NPLOC4: variants seen among roughly 807,000 people sequenced by gnomAD.
NPLOC4 encodes the protein NPL4 homolog, ubiquitin recognition factor.
In NPLOC4, 18 loss-of-function variants were observed where a neutral mutation model predicts 80.6. That is an observed-to-expected ratio of 0.22 (90% CI 0.15 to 0.33). The LOEUF is 0.33. NPLOC4 is among the 10% of genes least tolerant of loss of function. The pLI is 1.00. For missense variants in NPLOC4, 540 were observed against 786.1 expected (o/e 0.69, Z 3.74); for synonymous variants, 313 against 301.5 (o/e 1.04, Z -0.39).
rs1488925633 is a variant in NPLOC4, at chr17:81,567,540, G to A, written c.1450-7C>T. On this transcript the variant is annotated splice_polypyrimidine_tract_variant and splice_region_variant and intron_variant, in intron 14 of 16. Transcript: ENST00000331134. The surrounding 1 kb of genome is among the most constrained non-coding windows in gnomAD (Gnocchi z 4.5). ...TGGCCAAGCTATGGAAGTCCTAGAG[G>A]AATGGGAATAAACATGAATGTTCCA... 1.9e-6 allele frequency: 3 copies of A among 1,543,746 alleles called. No homozygotes were observed. Among genetic ancestry groups the A allele is most frequent in the African/African-American group, 1.4e-5 (1 of 73,428 alleles).
chr17:81,607,155 G>A (rs186470754), intron 6 of NPLOC4, among the ~76,000 whole-genome samples: 12 of 152,236 alleles, frequency 7.9e-5, no homozygotes, highest in South Asian at 2.1e-4. Context: ...GCCACTGAGC[G>A]GGCATGAGGC....
At chr17:81,629,017 T>TA (rs1279127866) in intron 2 of NPLOC4, among the ~76,000 whole-genome samples, 1 of 151,582 alleles carries the variant, frequency 6.6e-6, no homozygotes, top group African/African-American at 2.4e-5. Context: ...CAGCTGGGAC[T>TA]ACAGGTGCCC....
intron 13 of NPLOC4, among the ~76,000 whole-genome samples, 165 bp from the exon 14 acceptor site, chr17:81,569,276 T>C (rs186130003): frequency 1.3e-3 from 199 of 152,314 alleles, no homozygotes; most frequent in African/African-American, 4.6e-3. Flanking sequence ...ATTAGTGTCA[T>C]CTCTAAACGA....
chr17:81,602,976 CAAAT>C lies in NPLOC4; in HGVS notation c.834+1568_834+1571del, dbSNP rs2035103223. ...ATATATATACACACATATATATACA[CAAAT>C]ACACACACACACACACACACACACA... On this transcript the variant is annotated intron_variant, in intron 8 of 16. Coordinates refer to ENST00000331134, the MANE Select transcript of NPLOC4 (RefSeq NM_017921.4). 5.5e-5 allele frequency among the ~76,000 whole-genome samples: 5 copies of C among 90,092 alleles called. No individual in the cohort carries two copies. In the South Asian group the frequency reaches 1.0e-3, roughly 19 times the overall value. 59.1% of individuals were successfully genotyped at this position (90,092 alleles called of 152,430 possible). A position where few individuals can be genotyped will look rare whatever the true frequency, so the allele number is the denominator to read the frequency against.
At position 81,581,375 on chromosome 17, in the gene NPLOC4, A is replaced by AAAAAAGTC. The variant is rs1555680405; in HGVS notation, c.1281+7568_1281+7569insGACTTTTT. Among the ~76,000 whole-genome samples, 332 of 72,850 alleles carry AAAAAAGTC rather than the reference A, an allele frequency of 4.6e-3. 83 individuals carry two copies. The highest frequency in any genetic ancestry group is 0.014 in the African/African-American group (294 of 21,108). The allele number at this position is 72,850 out of a possible 152,430, so 47.8% of individuals were successfully genotyped here. The stretch of plus-strand genomic sequence containing the variant: ...AAAAAAAAAAAAAAAAAAAAAAAAA[A>AAAAAAGTC]AGTTAATAAAATCACCATGTCACAA... On this transcript the variant is annotated intron_variant, in intron 12 of 16. Coordinates refer to ENST00000331134, the MANE Select transcript of NPLOC4 (RefSeq NM_017921.4).
rs1489165403 is a variant in NPLOC4, at chr17:81,559,138, AG to A, written c.*120del. On this transcript the variant is annotated 3_prime_UTR_variant, in exon 17 of 17. Transcript: ENST00000331134. ...GTGGGTCAGGGAGCCCAGGACAGCC[AG>A]CCCCTTGTTCCTCCAGGGCTGCCCA... The A allele has an allele frequency of 2.1e-5, 24 of 1,169,406 alleles. No individual in the cohort carries two copies. Among genetic ancestry groups the A allele is most frequent in the African/African-American group, 4.7e-5 (3 of 64,490 alleles). The allele number at this position is 1,169,406 out of a possible 1,614,324, so 72.4% of individuals were successfully genotyped here.
At chr17:81,608,653 C>T in intron 6 of NPLOC4, 75 bp downstream of exon 6, 1 of 1,047,284 alleles carries the variant, frequency 9.5e-7, no homozygotes, top group East Asian at 2.6e-5. Context: ...TTCACACGTT[C>T]ACTGGCTATA....
chr17:81,585,673 GA>G (rs555178945), intron 12 of NPLOC4, among the ~76,000 whole-genome samples: 9,319 of 131,826 alleles, frequency 0.071, 588 homozygotes, highest in Admixed American at 0.15. Flanking sequence ...GGGGGGGGGG[GA>G]AAGAAAGAAA....
Position 81,594,286 on chromosome 17 carries a change from A to AAAAAC in NPLOC4, c.1120+1829_1120+1830insGTTTT, listed in dbSNP as rs2034833174. Among the ~76,000 whole-genome samples, 4 of 150,008 alleles carry AAAAAC rather than the reference A, an allele frequency of 2.7e-5. No individual in the cohort carries two copies. The South Asian group carries it at 8.4e-4, about 31-fold the overall frequency. On this transcript the variant is annotated intron_variant, in intron 11 of 16. Coordinates refer to ENST00000331134, the MANE Select transcript of NPLOC4 (RefSeq NM_017921.4). ...CGAGACTCCGTCTCAAAAAAAAAAA[A>AAAAAC]AAAAAAAAAAAAAAAAAACTGACTC...
intron 3 of NPLOC4, among the ~76,000 whole-genome samples, chr17:81,615,101 T>TTTC (rs72062777): frequency 0.024 from 797 of 33,326 alleles, 31 homozygotes; most frequent in African/African-American, 0.13. Flanking sequence ...CGTCTGTTTC[T>TTTC]TTTTTTTTTT....
At chr17:81,620,468 C>T (rs889041017) in intron 3 of NPLOC4, among the ~76,000 whole-genome samples, 41 of 152,254 alleles carry the variant, frequency 2.7e-4, no homozygotes, top group Admixed American at 2.2e-3. Flanking sequence ...TGCACTCCAG[C>T]CTGGGCGACA....
chr17:81,585,280 C>T (rs766806698), intron 12 of NPLOC4, among the ~76,000 whole-genome samples: 1 of 151,152 alleles, frequency 6.6e-6, no homozygotes, highest in South Asian at 2.1e-4. Flanking sequence ...TGGAGATGAC[C>T]GACGACAGAG....
intron 4 of NPLOC4, 185 bp downstream of exon 4, chr17:81,613,133 A>AAC (rs1555685778): frequency 1.1e-5 from 6 of 543,228 alleles, no homozygotes; most frequent in African/African-American, 2.0e-5. Flanking sequence ...AAGCTAAAAA[A>AAC]AAAAAACAAA....
rs578153837 is a variant in NPLOC4, at chr17:81,572,449, C to T, written c.1282-361G>A. On this transcript the variant is annotated intron_variant, in intron 12 of 16. Coordinates refer to ENST00000331134, the MANE Select transcript of NPLOC4 (RefSeq NM_017921.4). The surrounding 1 kb of genome is among the most constrained non-coding windows in gnomAD (Gnocchi z 4.5). ...CTCGTGATCCACCCGCCTCAGCCCC[C>T]CAAAGTGCTGGGATTACAGGCGTGA... Among the ~76,000 whole-genome samples, 1 of 152,186 alleles carries T rather than the reference C, an allele frequency of 6.6e-6. No homozygotes were observed. Among genetic ancestry groups the T allele is most frequent in the Non-Finnish European group, 1.5e-5 (1 of 68,032 alleles).
intron 3 of NPLOC4, 97 bp from the exon 4 acceptor site, chr17:81,613,591 C>A: frequency 1.9e-6 from 2 of 1,053,122 alleles, no homozygotes; most frequent in Non-Finnish European, 2.7e-6. Flanking sequence ...TGCCAACCAC[C>A]CCTGTAGGCC....
At chr17:81,622,042 G>T in intron 3 of NPLOC4, 124 bp downstream of exon 3, 2 of 696,220 alleles carry the variant, frequency 2.9e-6, no homozygotes, top group Non-Finnish European at 2.6e-6. Flanking sequence ...TGTGTATTCT[G>T]GTCAGTTGAT....
chr17:81,589,207 A>G, intron 11 of NPLOC4, 103 bp from the exon 12 acceptor site: 5 of 1,045,298 alleles, frequency 4.8e-6, no homozygotes, highest in African/African-American at 1.6e-5. Flanking sequence ...ACAAACCCTC[A>G]AGAGTTTGTC....
At position 81,637,043 on chromosome 17, in the gene NPLOC4, C is replaced by T; in HGVS notation, c.-113G>A. 1.8e-6 allele frequency: 1 copy of T among 558,822 alleles called. No homozygotes were observed. The highest frequency in any genetic ancestry group is 2.0e-5 in the African/African-American group (1 of 50,450). 34.6% of individuals were successfully genotyped at this position (558,822 alleles called of 1,614,324 possible). A position where few individuals can be genotyped will look rare whatever the true frequency, so the allele number is the denominator to read the frequency against. On this transcript the variant is annotated 5_prime_UTR_variant, in exon 1 of 17. Transcript: ENST00000331134. ...CCCGGCCCCGGCCTCCCTACGCCGC[C>T]GCCACCGCCGCTCCAGCTTCGCCCG...
intron 15 of NPLOC4, among the ~76,000 whole-genome samples, chr17:81,565,917 G>A (rs565788325): frequency 1.3e-5 from 2 of 152,328 alleles, no homozygotes; most frequent in Non-Finnish European, 2.9e-5. Flanking sequence ...TGGGATGGAG[G>A]GCGGAAGTCT....
Sources: gnomAD v4.1 joint callset for allele counts (sites outside exome capture counted in the v4.1 genomes callset) on GRCh38, gnomAD v4.1.1 for gene constraint, Gnocchi (gnomAD v3.1) non-coding constraint, MANE v1.5 for transcripts, NCBI Gene and HGNC (gene_info 2026-07-23, HGNC 2026-07-21) for gene names.